Variants in POU6F2 observed in about 807,000 individuals in gnomAD.
POU6F2 encodes the protein POU domain, class 6, transcription factor 2.
In POU6F2, 31 loss-of-function variants were observed where a neutral mutation model predicts 71.3. That is an observed-to-expected ratio of 0.43 (90% confidence interval 0.33 to 0.59). The LOEUF is 0.59. POU6F2 is among the 20% of genes least tolerant of loss of function. The pLI, the probability that POU6F2 is intolerant of heterozygous loss-of-function variation, is 0.04. For synonymous variants in POU6F2, 347 were observed against 355.7 expected, an observed-to-expected ratio of 0.98 and a Z score of 0.27; for missense variants, 783 against 856.8, an observed-to-expected ratio of 0.91 and a Z score of 1.07.
chr7:39,236,884 T>A (rs1371905389), intron 4 of POU6F2, among the ~76,000 whole-genome samples: 1 of 152,234 alleles, frequency 6.6e-6, no homozygotes, highest in Non-Finnish European at 1.5e-5. Context: ...TTATTTTTTA[T>A]AAAACTGCTA....
At chr7:39,414,939 T>C (rs1236598067) in intron 6 of POU6F2, among the ~76,000 whole-genome samples, 1 of 152,058 alleles carries the variant, frequency 6.6e-6, no homozygotes. Context: ...GACCAAGTTC[T>C]CTCTCACCTA....
intron 8 of POU6F2, among the ~76,000 whole-genome samples, chr7:39,452,994 A>G (rs1040033564): frequency 6.6e-6 from 1 of 152,184 alleles, no homozygotes; most frequent in Non-Finnish European, 1.5e-5. Flanking sequence ...CAGGGCGCTG[A>G]AACAGAAGAA....
intron 4 of POU6F2, among the ~76,000 whole-genome samples, chr7:39,305,509 G>A (rs780698794): frequency 1.3e-5 from 2 of 152,190 alleles, no homozygotes; most frequent in Non-Finnish European, 2.9e-5. Flanking sequence ...CTACTCACAA[G>A]CATTCATGCC....
intron 2 of POU6F2, among the ~76,000 whole-genome samples, chr7:39,189,778 A>G (rs1793622969): frequency 6.6e-6 from 1 of 152,180 alleles, no homozygotes; most frequent in Non-Finnish European, 1.5e-5. Flanking sequence ...TCCCACTTTC[A>G]GAAAGCATCA....
intron 4 of POU6F2, among the ~76,000 whole-genome samples, chr7:39,259,394 A>C (rs144642767): frequency 6.6e-6 from 1 of 152,336 alleles, no homozygotes; most frequent in Non-Finnish European, 1.5e-5. Context: ...CACAAACGAC[A>C]TAACTTGTCC....
At chr7:39,272,363 C>T (rs1784355666) in intron 4 of POU6F2, among the ~76,000 whole-genome samples, 1 of 152,188 alleles carries the variant, frequency 6.6e-6, no homozygotes, top group African/African-American at 2.4e-5. Flanking sequence ...CTGGCCTCCT[C>T]CCTCTGGACC....
intron 1 of POU6F2, among the ~76,000 whole-genome samples, chr7:39,049,075 AT>A (rs1233475327): frequency 1.3e-5 from 2 of 151,786 alleles, no homozygotes; most frequent in Non-Finnish European, 2.9e-5. Context: ...TATTTTGGCA[AT>A]TTGTGCTTTC....
At chr7:39,184,888 A>T (rs931157445) in intron 2 of POU6F2, among the ~76,000 whole-genome samples, 1 of 152,188 alleles carries the variant, frequency 6.6e-6, no homozygotes, top group African/African-American at 2.4e-5. Flanking sequence ...ATGTAACCAG[A>T]ACAAACAGAG....
At chr7:39,340,839 T>C (rs754208987) in intron 5 of POU6F2, among the ~76,000 whole-genome samples, 1 of 119,920 alleles carries the variant, frequency 8.3e-6, no homozygotes, top group Non-Finnish European at 1.8e-5. Context: ...CTTCAAAACA[T>C]AATGACTGTG....
intron 1 of POU6F2, among the ~76,000 whole-genome samples, chr7:38,988,751 G>A (rs1788525581): frequency 6.6e-6 from 1 of 152,110 alleles, no homozygotes. Context: ...GTGGCGCAAG[G>A]CCCTGCAAGA....
intron 1 of POU6F2, among the ~76,000 whole-genome samples, chr7:38,999,717 T>C (rs1386387103): frequency 1.3e-5 from 2 of 152,210 alleles, no homozygotes; most frequent in Non-Finnish European, 2.9e-5. Context: ...CTTTTTGCAA[T>C]GACAATGCTG....
chr7:39,027,426 C>G (rs1789835951), intron 1 of POU6F2, among the ~76,000 whole-genome samples: 1 of 152,132 alleles, frequency 6.6e-6, no homozygotes, highest in Non-Finnish European at 1.5e-5. Context: ...CCCTATTGCC[C>G]ACAAGGGCTT....
chr7:39,019,080 C>T (rs11976952), intron 1 of POU6F2, among the ~76,000 whole-genome samples: 7,567 of 152,130 alleles, frequency 0.05, 302 homozygotes, highest in African/African-American at 0.096. Flanking sequence ...TCCTACATCC[C>T]ATTTTTGTTA....
chr7:39,411,083 C>G (rs1787539909), intron 6 of POU6F2, among the ~76,000 whole-genome samples: 1 of 152,200 alleles, frequency 6.6e-6, no homozygotes, highest in Non-Finnish European at 1.5e-5. Flanking sequence ...CAGTTCATAA[C>G]TGTGCACAAA....
intron 2 of POU6F2, among the ~76,000 whole-genome samples, chr7:39,160,937 T>G (rs1792981613): frequency 6.6e-6 from 1 of 152,204 alleles, no homozygotes; most frequent in African/African-American, 2.4e-5. Context: ...TAGTTACCTG[T>G]TAAATAGATG....
chr7:39,015,129 A>G (rs907733981), intron 1 of POU6F2, among the ~76,000 whole-genome samples: 4 of 151,298 alleles, frequency 2.6e-5, no homozygotes, highest in African/African-American at 9.7e-5. Context: ...TTTTAAAAAT[A>G]TATCAATGCC....
intron 2 of POU6F2, 140 bp downstream of exon 2, chr7:39,086,171 G>A (rs1791241633): frequency 1.1e-6 from 1 of 877,466 alleles, no homozygotes; most frequent in Non-Finnish European, 1.6e-6. Context: ...GAGGTGCTAA[G>A]CCACTGAAGC....
intron 1 of POU6F2, among the ~76,000 whole-genome samples, chr7:38,991,655 C>G (rs1028141649): frequency 6.6e-6 from 1 of 152,274 alleles, no homozygotes; most frequent in Non-Finnish European, 1.5e-5. Flanking sequence ...AGTGCCTCCT[C>G]CCACCTTTCT....
intron 5 of POU6F2, among the ~76,000 whole-genome samples, chr7:39,344,508 G>A (rs557383972): frequency 6.6e-6 from 1 of 152,226 alleles, no homozygotes; most frequent in Admixed American, 6.5e-5. Flanking sequence ...GGAGAAGGTG[G>A]TACATTATCA....
Sources: gnomAD v4.1 joint callset for allele counts (sites outside exome capture counted in the v4.1 genomes callset) on GRCh38, gnomAD v4.1.1 for gene constraint, MANE v1.5 for transcripts, NCBI Gene and HGNC (gene_info 2026-07-23, HGNC 2026-07-21) for gene names.